Variants in DLG2 observed in about 807,000 individuals in gnomAD.
The protein encoded by DLG2 is discs large MAGUK scaffold protein 2, also known as disks large homolog 2.
In DLG2, 45 loss-of-function variants were observed where a neutral mutation model predicts 132.5. The observed-to-expected ratio is 0.34, with a 90% CI of 0.27 to 0.44. DLG2 has a LOEUF of 0.44. Among genes scored for constraint, DLG2 ranks in the 20% least tolerant of loss-of-function variants. DLG2 has a pLI of 1.00. For missense variants in DLG2, 1,045 were observed against 1,196.9 expected, an observed-to-expected ratio of 0.87 and a Z score of 1.87; for synonymous variants, 424 against 419.6, an observed-to-expected ratio of 1.01 and a Z score of -0.13.
intron 19 of DLG2, among the ~76,000 whole-genome samples, chr11:83,545,878 C>T (rs747724336): frequency 1.3e-5 from 2 of 152,096 alleles, no homozygotes; most frequent in Admixed American, 6.6e-5. Context: ...ATTAATGGAT[C>T]CTCACATCTG....
chr11:84,636,218 G>C (rs192229485), intron 6 of DLG2, among the ~76,000 whole-genome samples: 1 of 152,312 alleles, frequency 6.6e-6, no homozygotes, highest in East Asian at 1.9e-4. Context: ...AAAAATCAAA[G>C]TTTGAAATAT....
At chr11:84,464,295 A>G (rs907757985) in intron 7 of DLG2, among the ~76,000 whole-genome samples, 2 of 151,204 alleles carry the variant, frequency 1.3e-5, no homozygotes, top group African/African-American at 4.8e-5. Flanking sequence ...GGTATGAACA[A>G]ACAACTACAG....
At chr11:85,321,158 G>T (rs992644661) in intron 3 of DLG2, among the ~76,000 whole-genome samples, 2 of 151,974 alleles carry the variant, frequency 1.3e-5, no homozygotes, top group Non-Finnish European at 2.9e-5. Context: ...ATATTTTGAA[G>T]ATAGGGAGAA....
intron 3 of DLG2, among the ~76,000 whole-genome samples, chr11:85,485,707 G>A (rs751474389): frequency 3.3e-5 from 5 of 152,174 alleles, no homozygotes; most frequent in Non-Finnish European, 5.9e-5. Context: ...TCTTGGCTAT[G>A]AGAGAACCTC....
intron 7 of DLG2, among the ~76,000 whole-genome samples, chr11:84,436,202 G>T (rs1425983154): frequency 6.6e-6 from 1 of 152,096 alleles, no homozygotes; most frequent in Non-Finnish European, 1.5e-5. Flanking sequence ...CACCAAAAGT[G>T]TTATTAAATA....
intron 6 of DLG2, among the ~76,000 whole-genome samples, chr11:84,654,651 C>A (rs1565572028): frequency 6.6e-6 from 1 of 152,194 alleles, no homozygotes; most frequent in Non-Finnish European, 1.5e-5. Flanking sequence ...ATTCACTTCT[C>A]TCTCTAGCTG....
intron 3 of DLG2, among the ~76,000 whole-genome samples, chr11:85,464,746 G>C (rs1392422514): frequency 6.6e-6 from 1 of 151,714 alleles, no homozygotes; most frequent in Non-Finnish European, 1.5e-5. Context: ...TTTTTACAAA[G>C]GCAGTTTAGT....
chr11:85,361,016 A>G (rs951729473), intron 3 of DLG2, among the ~76,000 whole-genome samples: 6 of 152,118 alleles, frequency 3.9e-5, no homozygotes, highest in African/African-American at 1.2e-4. Flanking sequence ...TTACAGCTCT[A>G]TGAAAAAAAA....
chr11:84,152,340 G>GTA (rs2095317222), intron 9 of DLG2, among the ~76,000 whole-genome samples: 1 of 148,422 alleles, frequency 6.7e-6, no homozygotes, highest in African/African-American at 2.5e-5. Flanking sequence ...CTGTTTGTTT[G>GTA]TTTGTTTTTT....
chr11:83,492,248 C>T (rs535069218), intron 21 of DLG2, among the ~76,000 whole-genome samples: 87 of 152,198 alleles, frequency 5.7e-4, no homozygotes, highest in Middle Eastern at 3.4e-3. Context: ...AGACATAGTT[C>T]ATCATATCTT....
chr11:84,923,996 C>T (rs1223424981), intron 6 of DLG2, among the ~76,000 whole-genome samples: 1 of 151,954 alleles, frequency 6.6e-6, no homozygotes, highest in Non-Finnish European at 1.5e-5. Flanking sequence ...AACATAACCT[C>T]AGATTCAGTA....
At chr11:83,875,461 T>A (rs11233771) in intron 15 of DLG2, among the ~76,000 whole-genome samples, 36,707 of 151,988 alleles carry the variant, frequency 0.24, 4,617 homozygotes, top group East Asian at 0.38. Flanking sequence ...GAAATGGCAT[T>A]GAGACTGTTT....
chr11:84,534,169 G>C (rs192227110), intron 7 of DLG2, among the ~76,000 whole-genome samples: 373 of 152,224 alleles, frequency 2.5e-3, no homozygotes, highest in Non-Finnish European at 4.2e-3. Context: ...TTATAGTTTA[G>C]ACAGTAAAGC....
At chr11:83,683,144 CT>C (rs1254548848) in intron 18 of DLG2, among the ~76,000 whole-genome samples, 2 of 152,156 alleles carry the variant, frequency 1.3e-5, no homozygotes, top group African/African-American at 4.8e-5. Flanking sequence ...TCAGTTTAAC[CT>C]TTTTAGGTTC....
intron 6 of DLG2, among the ~76,000 whole-genome samples, chr11:85,007,179 G>A (rs774894512): frequency 6.8e-5 from 9 of 133,156 alleles, no homozygotes; most frequent in Non-Finnish European, 1.4e-4. Context: ...TTATACTTGA[G>A]TGACTTTGAG....
chr11:84,654,154 C>T (rs957174977), intron 6 of DLG2, among the ~76,000 whole-genome samples: 1 of 152,158 alleles, frequency 6.6e-6, no homozygotes, highest in Non-Finnish European at 1.5e-5. Flanking sequence ...TCTCCATTGC[C>T]ACCACAAGCA....
chr11:83,975,474 T>G (rs2154170019), intron 12 of DLG2, among the ~76,000 whole-genome samples: 1 of 151,940 alleles, frequency 6.6e-6, no homozygotes, highest in East Asian at 1.9e-4. Flanking sequence ...AACATCAGAG[T>G]GGTCTGATAT....
intron 9 of DLG2, among the ~76,000 whole-genome samples, chr11:84,106,211 A>T (rs2092901219): frequency 6.6e-6 from 1 of 152,168 alleles, no homozygotes; most frequent in Non-Finnish European, 1.5e-5. Flanking sequence ...ATAATCTTCC[A>T]AATTGTCCTG....
chr11:85,152,267 G>T (rs1231515768), intron 5 of DLG2, among the ~76,000 whole-genome samples: 3 of 149,638 alleles, frequency 2.0e-5, no homozygotes, highest in South Asian at 2.1e-4. Flanking sequence ...TTGAGATGGA[G>T]TCTTTCCCTG....
Sources: allele counts gnomAD v4.1 joint callset (sites outside exome capture counted in the v4.1 genomes callset), GRCh38; gene constraint gnomAD v4.1.1; transcripts MANE v1.5; gene names NCBI Gene and HGNC (gene_info 2026-07-23, HGNC 2026-07-21).